CHN2: variants seen among roughly 807,000 people sequenced by gnomAD.
The protein encoded by CHN2 is chimerin 2.
CHN2 carries 35 observed loss-of-function variants against 56.3 expected under a neutral mutation model. The observed-to-expected ratio is 0.62, with a 90% confidence interval of 0.47 to 0.82. The LOEUF is 0.82. Ranked by LOEUF, CHN2 falls within the 40% of genes least tolerant of loss-of-function variation. CHN2 has a pLI of 0.00. For synonymous variants in CHN2, 210 were observed against 212.8 expected (o/e 0.99, Z 0.12); for missense variants, 491 against 580.5 (o/e 0.85, Z 1.58).
intron 1 of CHN2, among the ~76,000 whole-genome samples, chr7:29,210,772 G>A (rs1784853711): frequency 6.6e-6 from 1 of 152,056 alleles, no homozygotes; most frequent in Non-Finnish European, 1.5e-5. Context: ...TACTGAGAAG[G>A]TGACACTTGA....
chr7:29,367,738 A>G (rs1263501692), intron 2 of CHN2, among the ~76,000 whole-genome samples, 194 bp from the exon 3 acceptor site: 1 of 152,214 alleles, frequency 6.6e-6, no homozygotes. Context: ...TTGCAAGTTT[A>G]TATTCACAGT....
chr7:29,321,207 C>G (rs1795316507), intron 1 of CHN2, among the ~76,000 whole-genome samples: 1 of 152,158 alleles, frequency 6.6e-6, no homozygotes, highest in South Asian at 2.1e-4. Context: ...AATATTGTCC[C>G]TCTTGTGCAG....
At chr7:29,228,538 CTG>C (rs2128798923) in intron 1 of CHN2, among the ~76,000 whole-genome samples, 1 of 152,324 alleles carries the variant, frequency 6.6e-6, no homozygotes, top group South Asian at 2.1e-4. Flanking sequence ...CCACAAATGA[CTG>C]TATACATATA....
chr7:29,459,027 T>G (rs1784963882), intron 6 of CHN2, among the ~76,000 whole-genome samples: 1 of 152,248 alleles, frequency 6.6e-6, no homozygotes, highest in African/African-American at 2.4e-5. Context: ...TGGTTTTGAA[T>G]TAAGTTACAC....
chr7:29,380,341 A>G (rs1011783571), intron 3 of CHN2, among the ~76,000 whole-genome samples: 9 of 152,222 alleles, frequency 5.9e-5, no homozygotes, highest in Non-Finnish European at 1.2e-4. Context: ...TATATAGAAC[A>G]TAAACAGATA....
At chr7:29,424,587 A>G (rs1804660613) in intron 6 of CHN2, among the ~76,000 whole-genome samples, 1 of 152,240 alleles carries the variant, frequency 6.6e-6, no homozygotes, top group Non-Finnish European at 1.5e-5. Context: ...TTGGCAGTGC[A>G]CAGGCCACAT....
At chr7:29,468,233 T>C (rs1337023546) in intron 6 of CHN2, among the ~76,000 whole-genome samples, 2 of 149,988 alleles carry the variant, frequency 1.3e-5, no homozygotes, top group East Asian at 4.0e-4. Flanking sequence ...CAAAGTTTTA[T>C]TGTTCACATG....
At chr7:29,335,042 T>G (rs991100230) in intron 1 of CHN2, among the ~76,000 whole-genome samples, 7 of 152,196 alleles carry the variant, frequency 4.6e-5, no homozygotes, top group African/African-American at 1.7e-4. Flanking sequence ...TATAATAGTT[T>G]TGAAAATATT....
chr7:29,218,834 A>G (rs1301503118), intron 1 of CHN2, among the ~76,000 whole-genome samples: 2 of 150,198 alleles, frequency 1.3e-5, no homozygotes, highest in African/African-American at 4.9e-5. Context: ...GGATAGCATT[A>G]GGAGATATAC....
At chr7:29,311,037 C>T (rs981376980) in intron 1 of CHN2, among the ~76,000 whole-genome samples, 3 of 152,136 alleles carry the variant, frequency 2.0e-5, no homozygotes, top group Non-Finnish European at 4.4e-5. Context: ...GCCCCATAAC[C>T]TGCTTTTCTG....
chr7:29,485,990 A>C (rs900545230), intron 7 of CHN2, among the ~76,000 whole-genome samples: 3 of 151,144 alleles, frequency 2.0e-5, no homozygotes, highest in Non-Finnish European at 4.4e-5. Flanking sequence ...AACCCCCCTC[A>C]CTGTGTGTTC....
At chr7:29,265,606 T>C (rs1790074760) in intron 1 of CHN2, among the ~76,000 whole-genome samples, 1 of 152,184 alleles carries the variant, frequency 6.6e-6, no homozygotes, top group South Asian at 2.1e-4. Flanking sequence ...CCTGCCTTTG[T>C]CACTCCCCGA....
At chr7:29,279,347 T>G (rs2128857780) in intron 1 of CHN2, among the ~76,000 whole-genome samples, 1 of 152,356 alleles carries the variant, frequency 6.6e-6, no homozygotes, top group East Asian at 1.9e-4. Context: ...ACAAACATAT[T>G]GGATTGAAGG....
chr7:29,281,857 C>T (rs1378964397), intron 1 of CHN2, among the ~76,000 whole-genome samples: 1 of 152,170 alleles, frequency 6.6e-6, no homozygotes, highest in East Asian at 1.9e-4. Context: ...TACAGATGGC[C>T]GTGGGGCTCC....
intron 6 of CHN2, among the ~76,000 whole-genome samples, chr7:29,435,414 A>C (rs1453126763): frequency 6.6e-6 from 1 of 152,214 alleles, no homozygotes; most frequent in African/African-American, 2.4e-5. Context: ...GAAGTGTGTC[A>C]TTAGGTGATT....
At chr7:29,230,781 A>C (rs1181657554) in intron 1 of CHN2, among the ~76,000 whole-genome samples, 1 of 152,224 alleles carries the variant, frequency 6.6e-6, no homozygotes, top group Admixed American at 6.5e-5. Context: ...ATCCCTGTTT[A>C]ACATTCCCAA....
intron 1 of CHN2, among the ~76,000 whole-genome samples, chr7:29,206,941 A>G (rs1344991885): frequency 6.6e-6 from 1 of 152,128 alleles, no homozygotes; most frequent in Non-Finnish European, 1.5e-5. Flanking sequence ...TGCGGCTGAG[A>G]GGTTTGGAGT....
intron 1 of CHN2, among the ~76,000 whole-genome samples, chr7:29,260,636 C>T (rs1789462253): frequency 6.6e-6 from 1 of 152,146 alleles, no homozygotes; most frequent in Admixed American, 6.5e-5. Context: ...TAAGAAGCTT[C>T]CTTATGGGTC....
chr7:29,401,138 G>C, intron 6 of CHN2: 1 of 290,670 alleles, frequency 3.4e-6, no homozygotes, highest in East Asian at 8.1e-5. Context: ...TGTGGTGGTG[G>C]GCGCCTGTAG....
Sources: allele counts gnomAD v4.1 joint callset (sites outside exome capture counted in the v4.1 genomes callset), GRCh38; gene constraint gnomAD v4.1.1; transcripts MANE v1.5; gene names NCBI Gene and HGNC (gene_info 2026-07-23, HGNC 2026-07-21).